The following CLEC5A variants were observed in gnomAD, a reference collection of about 807,000 sequenced individuals.
CLEC5A encodes C-type lectin domain family 5 member A.
In CLEC5A, 15 loss-of-function variants were observed where a neutral mutation model predicts 24.4. The ratio of observed to expected loss-of-function variants is 0.62; its 90% CI spans 0.41 to 0.95. The LOEUF (loss-of-function observed/expected upper bound fraction) is 0.95, where lower values mean the gene tolerates loss of function less well. Ranked by LOEUF, CLEC5A falls within the 40% of genes least tolerant of loss-of-function variation. CLEC5A has a pLI of 0.00. For missense variants in CLEC5A, 211 were observed against 224.0 expected, an observed-to-expected ratio of 0.94 and a Z score of 0.37; for synonymous variants, 71 against 72.6, an observed-to-expected ratio of 0.98 and a Z score of 0.11.
chr7:141,946,296 G>A lies in CLEC5A; in HGVS notation c.-4C>T. 6.4e-7 allele frequency: 1 copy of A among 1,564,514 alleles called. No individual in the cohort carries two copies. Among genetic ancestry groups the A allele is most frequent in the East Asian group, 2.3e-5 (1 of 42,956 alleles). On this transcript the variant is annotated 5_prime_UTR_variant, in exon 2 of 7. Coordinates refer to ENST00000546910, the MANE Select transcript of CLEC5A (RefSeq NM_013252.3). ...AGATGATCATGTGCCAGTTCATGAT[G>A]AAGGAGCTGCAGGGGCCTGTGAAGA...
intron 5 of CLEC5A, among the ~76,000 whole-genome samples, chr7:141,932,912 G>A (rs1251602526): frequency 6.6e-6 from 1 of 152,158 alleles, no homozygotes; most frequent in Non-Finnish European, 1.5e-5. Flanking sequence ...AAAGTTTTCT[G>A]ACCCATGGTC....
rs1488007331 is a variant in CLEC5A at position 141,927,928 on chromosome 7, A to G, written c.*2176T>C. 6.6e-6 allele frequency: 1 copy of G among 152,212 alleles called. No homozygotes were observed. Among genetic ancestry groups the G allele is most frequent in the Admixed American group, 6.5e-5 (1 of 15,288 alleles). The allele number at this position is 152,212 out of a possible 1,614,324, so 9.4% of individuals were successfully genotyped here. On this transcript the variant is annotated 3_prime_UTR_variant, in exon 7 of 7. Transcript: ENST00000546910. ...TTAATATGTGCAATAATTTTTTGAG[A>G]TAGGTATTACTACCCCATTTTATCA...
chr7:141,935,192 G>A (rs1385140622), intron 5 of CLEC5A, among the ~76,000 whole-genome samples: 1 of 152,196 alleles, frequency 6.6e-6, no homozygotes, highest in Non-Finnish European at 1.5e-5. Context: ...AGTGTATGTA[G>A]CACAGATTAG....
chr7:141,934,614 T>G (rs1354140123), intron 5 of CLEC5A, among the ~76,000 whole-genome samples: 1 of 13,272 alleles, frequency 7.5e-5, no homozygotes, highest in East Asian at 9.8e-4. Context: ...TTCTTTAACG[T>G]TTTTTTTTTT....
intron 6 of CLEC5A, among the ~76,000 whole-genome samples, chr7:141,931,005 T>C (rs916912606): frequency 1.3e-5 from 2 of 152,190 alleles, no homozygotes; most frequent in Non-Finnish European, 2.9e-5. Context: ...TCTGAATCAC[T>C]ATTTTTGTAT....
intron 4 of CLEC5A, among the ~76,000 whole-genome samples, chr7:141,943,211 G>A (rs1182702636): frequency 6.6e-6 from 1 of 152,116 alleles, no homozygotes; most frequent in East Asian, 1.9e-4. Context: ...AAGAAGTGTG[G>A]TACATATACA....
At chr7:141,942,437 T>G (rs1554441715) in intron 4 of CLEC5A, among the ~76,000 whole-genome samples, 1 of 152,074 alleles carries the variant, frequency 6.6e-6, no homozygotes, top group African/African-American at 2.4e-5. Context: ...CAAAATGGAT[T>G]AAAGACTGAA....
At chr7:141,945,198 A>C in intron 3 of CLEC5A, 143 bp downstream of exon 3, 4 of 753,540 alleles carry the variant, frequency 5.3e-6, no homozygotes, top group Middle Eastern at 3.2e-4. Flanking sequence ...CATATGTAAA[A>C]GAAAGGGAAT....
At chr7:141,934,123 T>G (rs1326165516) in intron 5 of CLEC5A, among the ~76,000 whole-genome samples, 1 of 152,184 alleles carries the variant, frequency 6.6e-6, no homozygotes. Flanking sequence ...ACCTGACATA[T>G]GCCATGCTAG....
intron 5 of CLEC5A, among the ~76,000 whole-genome samples, chr7:141,933,730 G>A (rs975302534): frequency 1.3e-5 from 2 of 151,804 alleles, no homozygotes; most frequent in Non-Finnish European, 2.9e-5. Flanking sequence ...GGCTCAACGT[G>A]CCTTGACATG....
chr7:141,945,721 T>C (rs1554442077), intron 2 of CLEC5A: 2 of 398,638 alleles, frequency 5.0e-6, no homozygotes, highest in Non-Finnish European at 9.1e-6. Context: ...GAGAAGATTC[T>C]AGTTTCTGAT....
chr7:141,944,741 T>G (rs1305768613), intron 3 of CLEC5A, among the ~76,000 whole-genome samples: 1 of 152,204 alleles, frequency 6.6e-6, no homozygotes, highest in Non-Finnish European at 1.5e-5. Flanking sequence ...TACATTTATC[T>G]TAATGAAACA....
intron 3 of CLEC5A, among the ~76,000 whole-genome samples, chr7:141,944,634 C>T (rs767796099): frequency 1.1e-4 from 16 of 152,162 alleles, no homozygotes; most frequent in Non-Finnish European, 2.2e-4. Context: ...CAGGCAGCCG[C>T]AGTGGCTTCA....
intron 4 of CLEC5A, 91 bp from the exon 5 acceptor site, chr7:141,936,041 CTTTGT>C: frequency 1.8e-6 from 2 of 1,123,156 alleles, no homozygotes; most frequent in Non-Finnish European, 2.7e-6. Context: ...CATATTTTTG[CTTTGT>C]TTTAACAATT....
intron 5 of CLEC5A, among the ~76,000 whole-genome samples, chr7:141,934,588 G>C (rs577840067): frequency 1.5e-5 from 2 of 137,014 alleles, no homozygotes; most frequent in Non-Finnish European, 3.1e-5. Flanking sequence ...CCATTGCCAT[G>C]ATGACCTTTG....
intron 4 of CLEC5A, among the ~76,000 whole-genome samples, chr7:141,943,129 T>G (rs1802847481): frequency 6.6e-6 from 1 of 152,184 alleles, no homozygotes; most frequent in African/African-American, 2.4e-5. Flanking sequence ...CACTCCCGTT[T>G]TTATCGCAAC....
At chr7:141,939,621 CCAAT>C (rs1802727294) in intron 4 of CLEC5A, among the ~76,000 whole-genome samples, 1 of 151,968 alleles carries the variant, frequency 6.6e-6, no homozygotes, top group Admixed American at 6.6e-5. Context: ...ATTAAACTTT[CCAAT>C]CAAAGTACAT....
At position 141,928,757 on chromosome 7, in the gene CLEC5A, G is replaced by A. The variant is rs1193918238; in HGVS notation, c.*1347C>T. The A allele has an allele frequency of 3.3e-5, 5 of 152,138 alleles. No homozygotes were observed. Among genetic ancestry groups the A allele is most frequent in the Non-Finnish European group, 5.9e-5 (4 of 68,026 alleles). 9.4% of individuals were successfully genotyped at this position (152,138 alleles called of 1,614,324 possible). On this transcript the variant is annotated 3_prime_UTR_variant, in exon 7 of 7. Transcript: ENST00000546910. ...TTGTTTGGTATACATACAATGACAT[G>A]TACAGTCATTACTGTGCTACATTGT...
At chr7:141,939,222 TAGAC>T (rs1489234862) in intron 4 of CLEC5A, among the ~76,000 whole-genome samples, 9 of 152,030 alleles carry the variant, frequency 5.9e-5, no homozygotes, top group South Asian at 2.1e-4. Flanking sequence ...TTTCAAGACA[TAGAC>T]AGTAAAAACA....
Sources: gnomAD v4.1 joint callset for allele counts (sites outside exome capture counted in the v4.1 genomes callset) on GRCh38, gnomAD v4.1.1 for gene constraint, MANE v1.5 for transcripts, NCBI Gene and HGNC (gene_info 2026-07-23, HGNC 2026-07-21) for gene names.